Variants in CPPED1 observed in about 807,000 individuals in gnomAD.
CPPED1 encodes serine/threonine-protein phosphatase CPPED1.
Under a neutral mutation model 28.0 loss-of-function variants are expected in CPPED1, and 28 were observed. That is an observed-to-expected ratio of 1.00 (90% CI 0.74 to 1.37). The LOEUF is 1.37. Among genes scored for constraint, CPPED1 ranks in the 40% most tolerant of loss-of-function variants. The probability of loss-of-function intolerance (pLI) is 0.00; values close to 1 mark genes in which losing one functional copy is unlikely to be tolerated. For missense variants in CPPED1, 504 were observed against 416.5 expected (o/e 1.21, Z -1.83); for synonymous variants, 198 against 180.2 (o/e 1.10, Z -0.79).
At chr16:12,707,624 T>G (rs1210423860) in intron 2 of CPPED1, among the ~76,000 whole-genome samples, 1 of 152,188 alleles carries the variant, frequency 6.6e-6, no homozygotes, top group East Asian at 1.9e-4. Context: ...GAATCCCTAA[T>G]GACCATAAAC....
chr16:12,698,195 C>T (rs563476298), intron 3 of CPPED1, among the ~76,000 whole-genome samples: 69 of 152,244 alleles, frequency 4.5e-4, no homozygotes, highest in African/African-American at 1.4e-3. Context: ...ACTTGAATCA[C>T]GCTTAATTCA....
chr16:12,763,567 TATTTC>T (rs1390728412), intron 2 of CPPED1, among the ~76,000 whole-genome samples: 1 of 152,224 alleles, frequency 6.6e-6, no homozygotes, highest in Non-Finnish European at 1.5e-5. Flanking sequence ...TTTTATAGAT[TATTTC>T]ATTTAAGTCT....
Position 12,734,485 on chromosome 16 carries a change from T to C in CPPED1, c.290-29436A>G, listed in dbSNP as rs185851902. 1.9e-3 allele frequency among the ~76,000 whole-genome samples: 295 copies of C among 152,208 alleles called. 1 individual carries two copies. The highest frequency in any genetic ancestry group is 6.5e-3 in the African/African-American group (272 of 41,536). On this transcript the variant is annotated intron_variant, in intron 2 of 3. Transcript: ENST00000381774. ...AGCTCCGCCTCCTGGGTTCACACCATTCTCCTGCCTCAGCCTCCCAAGTAG... is the reference window on the plus strand; with the variant it reads ...AGCTCCGCCTCCTGGGTTCACACCACTCTCCTGCCTCAGCCTCCCAAGTAG...
At chr16:12,683,297 T>C (rs1292182087) in intron 3 of CPPED1, among the ~76,000 whole-genome samples, 7 of 152,142 alleles carry the variant, frequency 4.6e-5, no homozygotes, top group Non-Finnish European at 7.3e-5. Flanking sequence ...AGGCACTTCC[T>C]CCTCCAGTTA....
chr16:12,786,879 T>C (rs1476930821), intron 1 of CPPED1, among the ~76,000 whole-genome samples: 1 of 152,202 alleles, frequency 6.6e-6, no homozygotes, highest in East Asian at 1.9e-4. Context: ...GCCACTGCAC[T>C]CCAGCCTGGG....
intron 2 of CPPED1, among the ~76,000 whole-genome samples, chr16:12,705,553 T>C (rs1361126745): frequency 6.6e-6 from 1 of 152,016 alleles, no homozygotes; most frequent in Non-Finnish European, 1.5e-5. Context: ...AGGTCAGGAG[T>C]TCGAGACCAG....
Position 12,779,715 on chromosome 16 carries a change from T to C in CPPED1, c.289+1470A>G, listed in dbSNP as rs117751320. ...CATTATGGGTTTTGTTCTAGATAAG[T>C]GGGCTGCCAGAAAAAAGAGCCACCA... On this transcript the variant is annotated intron_variant, in intron 2 of 3. Coordinates refer to ENST00000381774, the MANE Select transcript of CPPED1 (RefSeq NM_018340.3). 7.9e-3 allele frequency among the ~76,000 whole-genome samples: 1,193 copies of C among 151,724 alleles called. 5 individuals are homozygous for C. Among genetic ancestry groups the C allele is most frequent in the Non-Finnish European group, 0.012 (786 of 67,862 alleles).
In CPPED1 at chr16:12,787,726, G is replaced by A. The variant is rs187951657; in HGVS notation, c.71-6323C>T. ...GGCCAGCGAATTTAACTTTTTCAAC[G>A]TTAATTTTTTGACAGATTCATAGAG... On this transcript the variant is annotated intron_variant, in intron 1 of 3. Coordinates refer to ENST00000381774, the MANE Select transcript of CPPED1 (RefSeq NM_018340.3). Among the ~76,000 whole-genome samples, 27 of 152,156 alleles carry A rather than the reference G, an allele frequency of 1.8e-4. No individual in the cohort carries two copies. In the East Asian group the frequency reaches 2.5e-3, roughly 14 times the overall value.
At chr16:12,702,382 A>T (rs1012227012) in intron 3 of CPPED1, among the ~76,000 whole-genome samples, 1 of 151,988 alleles carries the variant, frequency 6.6e-6, no homozygotes, top group African/African-American at 2.4e-5. Flanking sequence ...ACAAATAATT[A>T]AAAAAATTAG....
chr16:12,795,615 C>CAA (rs1343912713), intron 1 of CPPED1, among the ~76,000 whole-genome samples: 12 of 152,064 alleles, frequency 7.9e-5, no homozygotes, highest in Non-Finnish European at 1.8e-4. Flanking sequence ...GTTAGGATTA[C>CAA]AGGCGTGAGC....
intron 1 of CPPED1, among the ~76,000 whole-genome samples, chr16:12,789,025 G>C (rs1005460851): frequency 1.3e-5 from 2 of 152,288 alleles, no homozygotes; most frequent in African/African-American, 4.8e-5. Flanking sequence ...TGTGCTGTTG[G>C]GCCCAGGCAG....
chr16:12,785,546 G>C (rs992798795), intron 1 of CPPED1, among the ~76,000 whole-genome samples: 1 of 151,290 alleles, frequency 6.6e-6, no homozygotes, highest in African/African-American at 2.4e-5. Context: ...TCATGCCTCA[G>C]CCTCCCGAGT....
chr16:12,724,702 G>A (rs903597102), intron 2 of CPPED1, among the ~76,000 whole-genome samples: 12 of 152,280 alleles, frequency 7.9e-5, no homozygotes, highest in South Asian at 6.2e-4. Flanking sequence ...GTGTATTTCC[G>A]TTACCAGCTG....
chr16:12,681,169 G>T (rs2079902962), intron 3 of CPPED1, among the ~76,000 whole-genome samples: 1 of 135,798 alleles, frequency 7.4e-6, no homozygotes, highest in Admixed American at 8.3e-5. Context: ...ATTTCAATGT[G>T]CCCCCCAACG....
intron 2 of CPPED1, among the ~76,000 whole-genome samples, chr16:12,722,348 T>C (rs575607993): frequency 6.8e-4 from 104 of 152,320 alleles, no homozygotes; most frequent in Admixed American, 1.8e-3. Context: ...AACCAAATGA[T>C]TTCTCCAGCT....
At chr16:12,774,131 A>G (rs1013233849) in intron 2 of CPPED1, among the ~76,000 whole-genome samples, 3 of 152,170 alleles carry the variant, frequency 2.0e-5, no homozygotes, top group Non-Finnish European at 4.4e-5. Flanking sequence ...CCAGAAAGTG[A>G]GTCCGCCAGG....
intron 3 of CPPED1, among the ~76,000 whole-genome samples, chr16:12,699,462 C>G (rs1340888746): frequency 6.6e-6 from 1 of 152,118 alleles, no homozygotes. Flanking sequence ...GTCCACTGCA[C>G]AGTGACACCC....
chr16:12,672,561 G>A (rs547539537), intron 3 of CPPED1, among the ~76,000 whole-genome samples: 2 of 152,320 alleles, frequency 1.3e-5, no homozygotes, highest in East Asian at 3.9e-4. Flanking sequence ...GAAGGTTTGT[G>A]TGCATATACA....
chr16:12,710,493 C>T (rs1043648714), intron 2 of CPPED1, among the ~76,000 whole-genome samples: 1 of 148,630 alleles, frequency 6.7e-6, no homozygotes, highest in Admixed American at 6.7e-5. Flanking sequence ...ACAAATTGGA[C>T]CTCATGAAAA....
Sources: allele counts gnomAD v4.1 joint callset (sites outside exome capture counted in the v4.1 genomes callset), GRCh38; gene constraint gnomAD v4.1.1; transcripts MANE v1.5; gene names NCBI Gene and HGNC (gene_info 2026-07-23, HGNC 2026-07-21).